The following MAP3K2 variants were observed in gnomAD, a reference collection of about 807,000 sequenced individuals.
MAP3K2 encodes the protein mitogen-activated protein kinase kinase kinase 2.
A neutral mutation model predicts 80.3 loss-of-function variants in MAP3K2; 24 were observed. The observed-to-expected ratio is 0.30, with a 90% CI of 0.22 to 0.42. MAP3K2 has a LOEUF of 0.42. Ranked by LOEUF, MAP3K2 falls within the 10% of genes least tolerant of loss-of-function variation. The pLI is 1.00. For synonymous variants in MAP3K2, 244 were observed against 253.7 expected, an observed-to-expected ratio of 0.96 and a Z score of 0.36; for missense variants, 608 against 750.1, an observed-to-expected ratio of 0.81 and a Z score of 2.21.
intron 15 of MAP3K2, among the ~76,000 whole-genome samples, chr2:127,314,434 T>A (rs1402806041): frequency 6.6e-6 from 1 of 152,220 alleles, no homozygotes; most frequent in East Asian, 1.9e-4. Context: ...CAAATTTGAA[T>A]CAGGCCATCT....
At chr2:127,343,299 A>C in intron 1 of MAP3K2, 105 bp from the exon 2 acceptor site, 1 of 567,200 alleles carries the variant, frequency 1.8e-6, no homozygotes, top group Non-Finnish European at 3.2e-6. Flanking sequence ...AAAATATACA[A>C]TATGAATACT....
chr2:127,327,142 T>C (rs981031720), intron 7 of MAP3K2, among the ~76,000 whole-genome samples: 1 of 152,204 alleles, frequency 6.6e-6, no homozygotes, highest in Non-Finnish European at 1.5e-5. Context: ...ACATTTCTTA[T>C]GAGACAATAA....
Position 127,323,952 on chromosome 2 carries a change from G to A in MAP3K2, c.788C>T (p.Thr263Ile). 1 of 1,568,662 alleles carries A rather than the reference G, an allele frequency of 6.4e-7. No homozygotes were observed. The highest frequency in any genetic ancestry group is 1.2e-5 in the South Asian group (1 of 84,940). Residue 263 changes from threonine (T) to isoleucine (I), a missense_variant, in exon 11 of 17, where the codon ACA becomes ATA. Thr to Ile is a moderately conservative substitution (Grantham distance 89). Around this residue, in one of 4 missense-constraint regions of MAP3K2, gnomAD observed 467 missense variants for 521.9 expected, o/e 0.89. Transcript: ENST00000682094. ...TGAAACATGATACCTTCTTGGATAT[G>A]TTCCTCCTTTTCCAAATTTCTCAAA... is the stretch of plus-strand genomic sequence containing the variant. ...PIFEKFGKGGTYPRRYHVSYH... is the reference protein window; with the variant it reads ...PIFEKFGKGGIYPRRYHVSYH...
At chr2:127,385,507 C>A (rs1333110198) in intron 1 of MAP3K2, among the ~76,000 whole-genome samples, 1 of 152,190 alleles carries the variant, frequency 6.6e-6, no homozygotes, top group Non-Finnish European at 1.5e-5. Flanking sequence ...TGACTCACTT[C>A]TTTTCCTTTA....
chr2:127,342,388 G>GGTGTGTGTGTGTGT lies in MAP3K2; in HGVS notation c.4+724_4+737dup, dbSNP rs56300936. On this transcript the variant is annotated intron_variant, in intron 2 of 16. Coordinates refer to ENST00000682094, the MANE Select transcript of MAP3K2 (RefSeq NM_001371910.2). ...TGGGCAAATATAAGTTCTTCATGAG[G>GGTGTGTGTGTGTGT]GTGTGTGTGTGTGTGTGTGTGTGTG... Among the ~76,000 whole-genome samples the GGTGTGTGTGTGTGT allele has an allele frequency of 5.8e-3, 862 of 147,850 alleles. 5 individuals are homozygous for GGTGTGTGTGTGTGT. The highest frequency in any genetic ancestry group is 0.011 in the South Asian group (52 of 4,632).
chr2:127,302,595 T>C lies in MAP3K2; in HGVS notation c.*4984A>G, dbSNP rs1685619433. The C allele has an allele frequency of 6.6e-6, 1 of 152,180 alleles. No homozygotes were observed. The highest frequency in any genetic ancestry group is 1.9e-4 in the East Asian group (1 of 5,206). The allele number at this position is 152,180 out of a possible 1,614,324, so 9.4% of individuals were successfully genotyped here. A position where few individuals can be genotyped will look rare whatever the true frequency, so the allele number is the denominator to read the frequency against. ...TGCTATCCCTGGATTTCCTACTCAC[T>C]GTCCTATCTCATTGCCTTAACATTT... is the stretch of plus-strand genomic sequence containing the variant. On this transcript the variant is annotated 3_prime_UTR_variant, in exon 17 of 17. Coordinates refer to ENST00000682094, the MANE Select transcript of MAP3K2 (RefSeq NM_001371910.2).
At chr2:127,343,670 A>G (rs1686541719) in intron 1 of MAP3K2, among the ~76,000 whole-genome samples, 1 of 152,234 alleles carries the variant, frequency 6.6e-6, no homozygotes, top group Non-Finnish European at 1.5e-5. Context: ...TAATAATATA[A>G]TTCACATAAT....
In MAP3K2 at chr2:127,322,049, G is replaced by A. The variant is rs758226854; in HGVS notation, c.1042C>T (p.Arg348Cys). ...LTVMDISPPSRSPRAPTNWRL... is the reference protein window; with the variant it reads ...LTVMDISPPSCSPRAPTNWRL... ...TATACCAAGTTCTATTACTTACAAC[G>A]GCTGGGTGGGCTGATGTCCATTACG... is the stretch of plus-strand genomic sequence containing the variant. The change falls in exon 12 of 17, where the codon CGT becomes TGT. Residue 348 changes from arginine to cysteine, a missense_variant. Coordinates refer to ENST00000682094, the MANE Select transcript of MAP3K2 (RefSeq NM_001371910.2). This position sits in a 1 kb window ranked among gnomAD's most constrained non-coding sequence, Gnocchi z 4.2. The A allele has an allele frequency of 4.3e-6, 7 of 1,611,966 alleles. No individual in the cohort carries two copies. Among genetic ancestry groups the A allele is most frequent in the South Asian group, 1.1e-5 (1 of 90,796 alleles).
chr2:127,332,738 CTTAAAA>C (rs1488663887), intron 5 of MAP3K2, among the ~76,000 whole-genome samples: 2 of 152,100 alleles, frequency 1.3e-5, no homozygotes, highest in Admixed American at 1.3e-4. Context: ...AGAAAGGAAA[CTTAAAA>C]TTGAGTTCGA....
chr2:127,332,078 T>C (rs893872251), intron 5 of MAP3K2, among the ~76,000 whole-genome samples: 3 of 152,354 alleles, frequency 2.0e-5, no homozygotes, highest in Middle Eastern at 3.4e-3. Flanking sequence ...CTGGGCTCTT[T>C]TCGCTCTATG....
In MAP3K2 at chr2:127,305,796, T is replaced by TA. The variant is rs1403465575; in HGVS notation, c.*1782dup. 1.3e-5 allele frequency: 2 copies of TA among 152,140 alleles called. No individual in the cohort carries two copies. Among genetic ancestry groups the TA allele is most frequent in the Admixed American group, 1.3e-4 (2 of 15,258 alleles). 9.4% of individuals were successfully genotyped at this position (152,140 alleles called of 1,614,324 possible). ...ATGTTTTATAGTAGCACAATTCTAT[T>TA]AGAGATAGTGGGGCCTTTCCCAGCT... is the stretch of plus-strand genomic sequence containing the variant. On this transcript the variant is annotated 3_prime_UTR_variant, in exon 17 of 17. Coordinates refer to ENST00000682094, the MANE Select transcript of MAP3K2 (RefSeq NM_001371910.2).
chr2:127,345,695 A>G (rs548809685), intron 1 of MAP3K2, among the ~76,000 whole-genome samples: 1 of 152,246 alleles, frequency 6.6e-6, no homozygotes, highest in Non-Finnish European at 1.5e-5. Flanking sequence ...AAAATGCAAT[A>G]AAATTAGAAA....
intron 15 of MAP3K2, among the ~76,000 whole-genome samples, chr2:127,311,298 A>C (rs1685803084): frequency 6.6e-6 from 1 of 152,190 alleles, no homozygotes; most frequent in African/African-American, 2.4e-5. Context: ...CCGTCTCTAG[A>C]ATACTTAACC....
At chr2:127,370,711 A>G (rs1315019217) in intron 1 of MAP3K2, among the ~76,000 whole-genome samples, 1 of 152,194 alleles carries the variant, frequency 6.6e-6, no homozygotes, top group Non-Finnish European at 1.5e-5. Context: ...AATCTTAAAC[A>G]TCATGCACAA....
intron 8 of MAP3K2, 69 bp downstream of exon 8, chr2:127,326,618 C>T (rs941965119): frequency 6.7e-6 from 8 of 1,195,856 alleles, no homozygotes; most frequent in East Asian, 2.8e-5. Flanking sequence ...CACCCAGTTA[C>T]GTGCCAAATC....
In MAP3K2 at chr2:127,341,827, C is replaced by T. The variant is rs138072677; in HGVS notation, c.4+1299G>A. Among the ~76,000 whole-genome samples, 187 of 152,118 alleles carry T rather than the reference C, an allele frequency of 1.2e-3. 2 individuals are homozygous for T. The South Asian group carries it at 0.018, about 15-fold the overall frequency. ...GATTACAGGCATGAGCCACCACGCC[C>T]GGCCCAATGGGTTTCTGACACATGT... On this transcript the variant is annotated intron_variant, in intron 2 of 16. Transcript: ENST00000682094.
At chr2:127,309,005 T>C (rs934244186) in intron 15 of MAP3K2, among the ~76,000 whole-genome samples, 2 of 152,124 alleles carry the variant, frequency 1.3e-5, no homozygotes, top group Non-Finnish European at 2.9e-5. Context: ...ACGTTTCTAT[T>C]GAAAAGGACT....
chr2:127,352,969 G>A (rs992247177), intron 1 of MAP3K2, among the ~76,000 whole-genome samples: 3 of 152,166 alleles, frequency 2.0e-5, no homozygotes, highest in Admixed American at 6.5e-5. Context: ...CCAAGGTGCC[G>A]GGATTGCAGA....
chr2:127,345,918 A>G (rs576316354), intron 1 of MAP3K2, among the ~76,000 whole-genome samples: 1 of 152,164 alleles, frequency 6.6e-6, no homozygotes, highest in Non-Finnish European at 1.5e-5. Flanking sequence ...ATGTCAAATC[A>G]ATAACCTAAC....
Sources: allele counts gnomAD v4.1 joint callset (sites outside exome capture counted in the v4.1 genomes callset), GRCh38; gene constraint gnomAD v4.1.1; regional missense constraint gnomAD v4.1.1; non-coding constraint Gnocchi (gnomAD v3.1); transcripts MANE v1.5; gene names NCBI Gene and HGNC (gene_info 2026-07-23, HGNC 2026-07-21).